Variants in FOCAD observed in about 807,000 individuals in gnomAD.
The protein encoded by FOCAD is KIAA1797.
In FOCAD, 198 loss-of-function variants were observed where a neutral mutation model predicts 225.6. The ratio of observed to expected loss-of-function variants is 0.88; its 90% confidence interval spans 0.78 to 0.99. FOCAD has a LOEUF of 0.99. Ranked by LOEUF, FOCAD falls within the 50% of genes least tolerant of loss-of-function variation. The pLI is 0.00. For missense variants in FOCAD, 2,713 were observed against 2,123.6 expected, an observed-to-expected ratio of 1.28 and a Z score of -5.46; for synonymous variants, 897 against 755.0, an observed-to-expected ratio of 1.19 and a Z score of -3.08.
At chr9:20,681,872 C>T (rs1352488402), upstream of FOCAD, among the ~76,000 whole-genome samples, 1 of 152,200 alleles carries the variant, frequency 6.6e-6, no homozygotes, top group Non-Finnish European at 1.5e-5. Context: ...CGGTTCTAGG[C>T]TCCAAGTTTA....
intron 15 of FOCAD, among the ~76,000 whole-genome samples, chr9:20,841,074 C>T (rs1026801935): frequency 3.3e-5 from 5 of 151,730 alleles, no homozygotes; most frequent in Non-Finnish European, 7.4e-5. Context: ...GAATAAATAC[C>T]ACTTAGGATG....
intron 35 of FOCAD, among the ~76,000 whole-genome samples, chr9:20,970,328 A>T (rs1376115076): frequency 6.6e-6 from 1 of 151,988 alleles, no homozygotes; most frequent in Non-Finnish European, 1.5e-5. Flanking sequence ...GATTCCTGTT[A>T]TGCCTACGTT....
chr9:20,748,660 A>G (rs1346493105), intron 5 of FOCAD, among the ~76,000 whole-genome samples: 1 of 152,118 alleles, frequency 6.6e-6, no homozygotes, highest in Admixed American at 6.6e-5. Flanking sequence ...CATAGCTAGT[A>G]ATACTTTTCA....
At chr9:20,910,318 T>C (rs2383165) in intron 22 of FOCAD, among the ~76,000 whole-genome samples, 52,790 of 137,310 alleles carry the variant, frequency 0.38, 9,403 homozygotes, top group East Asian at 0.47. Flanking sequence ...CTCTTTGGAA[T>C]TGTGAATGTG....
chr9:20,871,050 A>G (rs552991064), intron 18 of FOCAD, among the ~76,000 whole-genome samples: 28 of 152,104 alleles, frequency 1.8e-4, no homozygotes, highest in Non-Finnish European at 3.7e-4. Context: ...TAAAAATACA[A>G]GAACTAGCCG....
intron 15 of FOCAD, among the ~76,000 whole-genome samples, chr9:20,830,103 C>A (rs1587332686): frequency 6.6e-6 from 1 of 151,952 alleles, no homozygotes. Context: ...AGATAAAATT[C>A]ACTTGCTGTT....
intron 1 of FOCAD, among the ~76,000 whole-genome samples, chr9:20,709,125 A>T (rs1003725789): frequency 6.6e-6 from 1 of 152,212 alleles, no homozygotes; most frequent in Non-Finnish European, 1.5e-5. Flanking sequence ...TGCAATTGAT[A>T]GATTAATTTT....
chr9:20,868,459 T>C (rs1829478071), intron 18 of FOCAD, among the ~76,000 whole-genome samples: 1 of 152,138 alleles, frequency 6.6e-6, no homozygotes, highest in South Asian at 2.1e-4. Context: ...TTATATTCAA[T>C]TTCCAATTAT....
At chr9:20,711,310 G>T (rs1824827908) in intron 1 of FOCAD, among the ~76,000 whole-genome samples, 1 of 152,180 alleles carries the variant, frequency 6.6e-6, no homozygotes, top group African/African-American at 2.4e-5. Context: ...AGCTAGATTA[G>T]AATTACAGCA....
intron 1 of FOCAD, among the ~76,000 whole-genome samples, chr9:20,685,692 C>G (rs1822621347): frequency 6.6e-6 from 1 of 152,112 alleles, no homozygotes; most frequent in Non-Finnish European, 1.5e-5. Context: ...AAACCTCTGC[C>G]TTGATTATTT....
In FOCAD at chr9:20,862,966, G is replaced by T. The variant is rs557325000; in HGVS notation, c.2055+254G>T. ...TTTTAAAGTCAATATTGTAAAACTA[G>T]TGTTTCCAAAATAATAGAATTCATA... is the stretch of plus-strand genomic sequence containing the variant. On this transcript the variant is annotated intron_variant, in intron 16 of 43. Coordinates refer to ENST00000338382, the MANE Select transcript of FOCAD (RefSeq NM_001375567.1). 2.5e-5 allele frequency: 7 copies of T among 283,756 alleles called. No homozygotes were observed. The East Asian group carries it at 4.3e-4, about 18-fold the overall frequency. 17.6% of individuals were successfully genotyped at this position (283,756 alleles called of 1,614,324 possible). A position where few individuals can be genotyped will look rare whatever the true frequency, so the allele number is the denominator to read the frequency against.
At chr9:20,731,240 AAACAACAACAACAACAACAACAACAAC>A (rs146322610) in intron 4 of FOCAD, among the ~76,000 whole-genome samples, 2 of 150,292 alleles carry the variant, frequency 1.3e-5, no homozygotes. Flanking sequence ...TTTGTCTCCA[AAACAACAACAACAACAACAACAACAAC>A]AACAACAACA....
chr9:20,874,702 C>G lies in FOCAD; in HGVS notation c.2212C>G (p.Pro738Ala). ...PEKIRPEIPI[P>A]EELDDDEDVE... ...TCAGATAAGACCAGAAATTCCCATT[C>G]CTGAAGAGTTAGATGACGATGAAGA... The change falls in exon 19 of 44, where the codon CCT becomes GCT. Residue 738 changes from proline to alanine, a missense_variant. Pro to Ala is a conservative substitution (Grantham distance 27, BLOSUM62 -1). Coordinates refer to ENST00000338382, the MANE Select transcript of FOCAD (RefSeq NM_001375567.1). The G allele has an allele frequency of 6.2e-7, 1 of 1,613,420 alleles. No individual in the cohort carries two copies. Among genetic ancestry groups the G allele is most frequent in the Non-Finnish European group, 8.5e-7 (1 of 1,179,610 alleles).
intron 1 of FOCAD, chr9:20,684,631 C>T (rs1822547924): frequency 6.6e-6 from 1 of 152,442 alleles, no homozygotes; most frequent in Non-Finnish European, 1.5e-5. Flanking sequence ...GGAAGCCGGT[C>T]GGCGCGATCC....
At chr9:20,728,130 G>C (rs1380442639) in intron 4 of FOCAD, among the ~76,000 whole-genome samples, 1 of 152,054 alleles carries the variant, frequency 6.6e-6, no homozygotes, top group Non-Finnish European at 1.5e-5. Flanking sequence ...GGTAGAGCTT[G>C]ACTAAAAATT....
chr9:20,936,926 C>G (rs1458619998), intron 28 of FOCAD, among the ~76,000 whole-genome samples: 1 of 152,164 alleles, frequency 6.6e-6, no homozygotes, highest in Non-Finnish European at 1.5e-5. Context: ...CATTTTTATA[C>G]ATCAATAACA....
intron 1 of FOCAD, among the ~76,000 whole-genome samples, chr9:20,711,032 C>T (rs1247907998): frequency 6.6e-6 from 1 of 152,176 alleles, no homozygotes; most frequent in African/African-American, 2.4e-5. Context: ...TAGTTGCTCT[C>T]TGGCCCTTTA....
At chr9:20,843,864 G>A (rs1182910558) in intron 15 of FOCAD, among the ~76,000 whole-genome samples, 5 of 152,124 alleles carry the variant, frequency 3.3e-5, no homozygotes, top group Non-Finnish European at 7.4e-5. Context: ...TGGAGAGACA[G>A]TATTTAGCCA....
chr9:20,986,198 A>T (rs1007731179), intron 39 of FOCAD, 90 bp from the exon 40 acceptor site: 16 of 1,210,816 alleles, frequency 1.3e-5, no homozygotes, highest in Admixed American at 3.0e-5. Context: ...CATCCAACTC[A>T]TCTTTTTTGT....
Sources: allele counts gnomAD v4.1 joint callset (sites outside exome capture counted in the v4.1 genomes callset), GRCh38; gene constraint gnomAD v4.1.1; transcripts MANE v1.5; gene names NCBI Gene and HGNC (gene_info 2026-07-23, HGNC 2026-07-21).